The following FXR1 variants were observed in gnomAD, a reference collection of about 807,000 sequenced individuals.
FXR1 encodes the protein RNA-binding protein FXR1.
FXR1 carries 15 observed loss-of-function variants against 84.0 expected under a neutral mutation model. The observed-to-expected ratio is 0.18, with a 90% CI of 0.12 to 0.27. FXR1 has a LOEUF of 0.27. Among genes scored for constraint, FXR1 ranks in the 10% least tolerant of loss-of-function variants. The pLI is 1.00. For missense variants in FXR1, 480 were observed against 774.4 expected (o/e 0.62, Z 4.51); for synonymous variants, 245 against 250.7 (o/e 0.98, Z 0.21).
intron 1 of FXR1, among the ~76,000 whole-genome samples, chr3:180,926,980 A>T (rs1418078754): frequency 6.6e-6 from 1 of 152,120 alleles, no homozygotes; most frequent in Admixed American, 6.5e-5. Context: ...CTCAATCAAG[A>T]TACCTGATCT....
chr3:180,964,645 C>T (rs941141006), intron 13 of FXR1, among the ~76,000 whole-genome samples: 52 of 144,852 alleles, frequency 3.6e-4, no homozygotes, highest in African/African-American at 1.3e-3. Flanking sequence ...TTCATGTATA[C>T]ATTATATCAG....
intron 8 of FXR1, 83 bp from the exon 9 acceptor site, chr3:180,953,679 C>T (rs1018469872): frequency 1.7e-5 from 12 of 699,158 alleles, no homozygotes; most frequent in Non-Finnish European, 2.8e-5. Context: ...AGAATTTTCT[C>T]TTTTCTCATC....
intron 13 of FXR1, among the ~76,000 whole-genome samples, chr3:180,967,808 C>G (rs1713028932): frequency 6.6e-6 from 1 of 151,948 alleles, no homozygotes; most frequent in Non-Finnish European, 1.5e-5. Context: ...AGTGAGCGGC[C>G]TTCTGCACAT....
intron 1 of FXR1, among the ~76,000 whole-genome samples, chr3:180,913,349 T>A (rs1259032689): frequency 6.6e-6 from 1 of 152,178 alleles, no homozygotes; most frequent in Non-Finnish European, 1.5e-5. Flanking sequence ...TTGGAATATT[T>A]TTGCGGCCTG....
chr3:180,934,765 C>T (rs1196373508), intron 2 of FXR1, among the ~76,000 whole-genome samples: 7 of 151,884 alleles, frequency 4.6e-5, no homozygotes, highest in African/African-American at 1.5e-4. Flanking sequence ...AAGTTGATAC[C>T]ACTACTATTT....
chr3:180,972,174 T>C (rs991500556), intron 15 of FXR1, among the ~76,000 whole-genome samples: 8 of 152,154 alleles, frequency 5.3e-5, no homozygotes, highest in Non-Finnish European at 8.8e-5. Context: ...GTTGGAAATA[T>C]ATTTTAGGGC....
At chr3:180,916,086 C>T (rs1000054324) in intron 1 of FXR1, among the ~76,000 whole-genome samples, 1 of 152,128 alleles carries the variant, frequency 6.6e-6, no homozygotes, top group African/African-American at 2.4e-5. Flanking sequence ...TACTTTTGTA[C>T]TTCTCATACC....
At chr3:180,951,251 A>G (rs771291854) in intron 7 of FXR1, 47 bp from the exon 8 acceptor site, 81 of 1,219,682 alleles carry the variant, frequency 6.6e-5, no homozygotes, top group East Asian at 4.7e-5. Context: ...CAAAAAAGCC[A>G]TTTTGTATTT....
chr3:180,980,613 T>G lies in FXR1; in HGVS notation c.*4321T>G, dbSNP rs1714564248. On this transcript the variant is annotated 3_prime_UTR_variant, in exon 17 of 17. Transcript: ENST00000357559. ...TGTCTTCAGGTTGTAAAGAAAAATG[T>G]AAACATATATTTGAAATTTCATTAA... The G allele has an allele frequency of 6.6e-6, 1 of 152,094 alleles. No homozygotes were observed. Among genetic ancestry groups the G allele is most frequent in the South Asian group, 2.1e-4 (1 of 4,832 alleles). 9.4% of individuals were successfully genotyped at this position (152,094 alleles called of 1,614,324 possible).
At chr3:180,929,614 C>T (rs1383689320) in intron 1 of FXR1, among the ~76,000 whole-genome samples, 1 of 152,166 alleles carries the variant, frequency 6.6e-6, no homozygotes, top group African/African-American at 2.4e-5. Flanking sequence ...AGGCATAAAG[C>T]CCCCTGCCAT....
At chr3:180,918,375 C>CAATAATACTCCCGGTCTCAAGCAAT (rs71629928) in intron 1 of FXR1, among the ~76,000 whole-genome samples, 8 of 151,970 alleles carry the variant, frequency 5.3e-5, no homozygotes, top group African/African-American at 1.9e-4. Context: ...TGGTCTCAAG[C>CAATAATACTCCCGGTCTCAAGCAAT]AATACTCCCA....
chr3:180,918,551 T>G (rs1482607714), intron 1 of FXR1, among the ~76,000 whole-genome samples: 5 of 152,238 alleles, frequency 3.3e-5, no homozygotes, highest in East Asian at 3.8e-4. Context: ...TCTATCACAG[T>G]GTTTAAGGTT....
At chr3:180,934,824 TATTTC>T (rs1385297268) in intron 2 of FXR1, among the ~76,000 whole-genome samples, 15 of 152,328 alleles carry the variant, frequency 9.8e-5, no homozygotes, top group African/African-American at 3.6e-4. Flanking sequence ...GAACTTAGCT[TATTTC>T]ATTTGCAGAA....
chr3:180,971,022 GT>G, intron 15 of FXR1: 1 of 554,840 alleles, frequency 1.8e-6, no homozygotes, highest in South Asian at 3.0e-5. Flanking sequence ...AGGTTTTTTT[GT>G]TTTTTTGTTT....
Position 180,968,221 on chromosome 3 carries a change from G to A in FXR1, c.1369G>A (p.Gly457Arg). ...RSVSGGRGRG[G>R]PRGGKSSISS... The stretch of plus-strand genomic sequence containing the variant: ...TGTTTCAGGGGGTCGAGGTCGTGGT[G>A]GACCACGTGGTGGCAAATCCTCCAT... The change falls in exon 14 of 17, where the codon GGA (glycine) becomes AGA (arginine). Residue 457 changes from glycine (G) to arginine (R), a missense_variant. By Grantham distance (125) the Gly-to-Arg change is moderately radical. Coordinates refer to ENST00000357559, the MANE Select transcript of FXR1 (RefSeq NM_005087.4). The A allele has an allele frequency of 6.2e-7, 1 of 1,611,852 alleles. No individual in the cohort carries two copies. Among genetic ancestry groups the A allele is most frequent in the Non-Finnish European group, 8.5e-7 (1 of 1,177,958 alleles).
chr3:180,921,097 TGCTG>T (rs1423613548), intron 1 of FXR1, among the ~76,000 whole-genome samples: 1 of 151,926 alleles, frequency 6.6e-6, no homozygotes, highest in Non-Finnish European at 1.5e-5. Context: ...TGGCTGGGCG[TGCTG>T]GCTCTTGACT....
intron 1 of FXR1, among the ~76,000 whole-genome samples, chr3:180,920,809 C>A (rs1186230526): frequency 1.3e-5 from 2 of 152,132 alleles, no homozygotes; most frequent in Non-Finnish European, 2.9e-5. Flanking sequence ...CCATGCCCGG[C>A]CCAGAATAGT....
At chr3:180,926,417 T>G (rs1719182542) in intron 1 of FXR1, among the ~76,000 whole-genome samples, 1 of 149,686 alleles carries the variant, frequency 6.7e-6, no homozygotes, top group Non-Finnish European at 1.5e-5. Context: ...GAGACTGGAG[T>G]CATTAAAAAG....
At chr3:180,915,836 G>T (rs1202480950) in intron 1 of FXR1, among the ~76,000 whole-genome samples, 1 of 152,212 alleles carries the variant, frequency 6.6e-6, no homozygotes, top group Non-Finnish European at 1.5e-5. Context: ...AAACGCTGAA[G>T]ATCTGAATAT....
Sources: gnomAD v4.1 joint callset for allele counts (sites outside exome capture counted in the v4.1 genomes callset) on GRCh38, gnomAD v4.1.1 for gene constraint, MANE v1.5 for transcripts, NCBI Gene and HGNC (gene_info 2026-07-23, HGNC 2026-07-21) for gene names.